PTPN12: variants seen among roughly 807,000 people sequenced by gnomAD.
PTPN12 encodes tyrosine-protein phosphatase non-receptor type 12.
Under a neutral mutation model 97.6 loss-of-function variants are expected in PTPN12, and 29 were observed. The observed-to-expected ratio is 0.30, with a 90% CI of 0.22 to 0.41. The LOEUF (loss-of-function observed/expected upper bound fraction) is 0.41, where lower values mean the gene tolerates loss of function less well. PTPN12 is among the 10% of genes least tolerant of loss of function. The pLI is 1.00. For synonymous variants in PTPN12, 327 were observed against 300.4 expected (o/e 1.09, Z -0.91); for missense variants, 819 against 926.0 (o/e 0.88, Z 1.50).
At chr7:77,572,553 C>T (rs1168659057) in intron 2 of PTPN12, among the ~76,000 whole-genome samples, 1 of 151,498 alleles carries the variant, frequency 6.6e-6, no homozygotes, top group African/African-American at 2.4e-5. Flanking sequence ...TGTTGTTCTA[C>T]ATTATTATCA....
intron 1 of PTPN12, among the ~76,000 whole-genome samples, chr7:77,543,344 CTTTT>C (rs10545350): frequency 2.9e-5 from 4 of 137,426 alleles, no homozygotes; most frequent in Admixed American, 7.2e-5. Context: ...CTTCCACTGC[CTTTT>C]TTTTTTTTTT....
intron 1 of PTPN12, among the ~76,000 whole-genome samples, chr7:77,570,715 A>G (rs1456342451): frequency 6.6e-6 from 1 of 152,220 alleles, no homozygotes; most frequent in Non-Finnish European, 1.5e-5. Context: ...GAGAGAAGAA[A>G]ATTCTTTTAG....
intron 8 of PTPN12, among the ~76,000 whole-genome samples, chr7:77,605,409 GTTTTTTTTTTT>G (rs751962814): frequency 1.1e-3 from 106 of 95,544 alleles, no homozygotes; most frequent in African/African-American, 3.9e-3. Context: ...TTTGTCATGA[GTTTTTTTTTTT>G]TTTTTTTTTT....
At chr7:77,605,409 G>GTTTTTTTTTTTTTTTTTTTTT (rs751962814) in intron 8 of PTPN12, among the ~76,000 whole-genome samples, 3 of 95,560 alleles carry the variant, frequency 3.1e-5, no homozygotes, top group African/African-American at 8.3e-5. Flanking sequence ...TTTGTCATGA[G>GTTTTTTTTTTTTTTTTTTTTT]TTTTTTTTTT....
chr7:77,622,632 G>A (rs940993157), intron 12 of PTPN12, among the ~76,000 whole-genome samples: 6 of 150,930 alleles, frequency 4.0e-5, no homozygotes, highest in East Asian at 2.0e-4. Flanking sequence ...TTAGCTGGGC[G>A]TGGTGGTGTG....
Position 77,632,335 on chromosome 7 carries a change from G to A in PTPN12, c.1997-13G>A. 1 of 1,550,514 alleles carries A rather than the reference G, an allele frequency of 6.4e-7. No individual in the cohort carries two copies. The highest frequency in any genetic ancestry group is 1.1e-5 in the South Asian group (1 of 88,924). On this transcript the variant is annotated splice_polypyrimidine_tract_variant and intron_variant, in intron 13 of 17. Coordinates refer to ENST00000248594, the MANE Select transcript of PTPN12 (RefSeq NM_002835.4). ...CATGTTAATTTGTCTAAATTTTTAT[G>A]TGTTTAATTTAGATGTTGATGTTAG... is the stretch of plus-strand genomic sequence containing the variant.
Position 77,627,674 on chromosome 7 carries a change from A to G in PTPN12, c.1995A>G (p.Lys665=), listed in dbSNP as rs1489161553. 2.6e-6 allele frequency: 4 copies of G among 1,560,512 alleles called. No individual in the cohort carries two copies. Reference sequence around the variant, plus strand: ...GAACAACACATTCAGGTGCTGAAAAAGGTAATAATATAGTGTCAAATACTT... The same window carrying G: ...GAACAACACATTCAGGTGCTGAAAAGGGTAATAATATAGTGTCAAATACTT... The part of the protein sequence containing the change: ...IAGTTHSGAE[K]DVDVSEDSPP... Residue 665 remains lysine, a splice_region_variant and synonymous_variant, in exon 13 of 18, where the codon AAA becomes AAG. Transcript: ENST00000248594.
chr7:77,549,655 A>G (rs1185562995), intron 1 of PTPN12, among the ~76,000 whole-genome samples: 3 of 151,102 alleles, frequency 2.0e-5, no homozygotes, highest in African/African-American at 7.3e-5. Flanking sequence ...ATCATAGCTC[A>G]CTGCAGCCCT....
chr7:77,635,687 C>G (rs1789563500), intron 14 of PTPN12, 95 bp from the exon 15 acceptor site: 5 of 707,264 alleles, frequency 7.1e-6, no homozygotes, highest in Middle Eastern at 4.4e-4. Flanking sequence ...GCGATAGTTT[C>G]TAAAATCTTT....
intron 11 of PTPN12, among the ~76,000 whole-genome samples, chr7:77,612,253 A>G (rs1788594627): frequency 2.0e-5 from 3 of 152,120 alleles, no homozygotes; most frequent in Admixed American, 2.0e-4. Context: ...CATTTCTTTT[A>G]TTAGCCAAGT....
intron 6 of PTPN12, among the ~76,000 whole-genome samples, chr7:77,594,122 A>G (rs1000444326): frequency 7.9e-5 from 12 of 152,200 alleles, no homozygotes; most frequent in East Asian, 1.9e-4. Flanking sequence ...TATTTAGTCA[A>G]TATTCTTAAG....
At chr7:77,627,756 TTA>T (rs1789253286) in intron 13 of PTPN12, 81 bp downstream of exon 13, 1 of 1,337,514 alleles carries the variant, frequency 7.5e-7, no homozygotes, top group Non-Finnish European at 9.9e-7. Flanking sequence ...TATTGATTTA[TTA>T]TGTTTTATTC....
At chr7:77,564,755 T>TTTTTTTA (rs1808176964) in intron 1 of PTPN12, among the ~76,000 whole-genome samples, 1 of 87,518 alleles carries the variant, frequency 1.1e-5, no homozygotes, top group African/African-American at 5.1e-5. Context: ...TGTTTTTTTT[T>TTTTTTTA]TTTTTTTTTT....
chr7:77,628,205 C>T (rs1263762901), intron 13 of PTPN12, among the ~76,000 whole-genome samples: 1 of 152,160 alleles, frequency 6.6e-6, no homozygotes, highest in Admixed American at 6.5e-5. Flanking sequence ...AACCCAGGAA[C>T]AATACTGCAA....
At chr7:77,608,411 A>G (rs1788448289) in intron 9 of PTPN12, among the ~76,000 whole-genome samples, 1 of 152,226 alleles carries the variant, frequency 6.6e-6, no homozygotes, top group Non-Finnish European at 1.5e-5. Context: ...TTTCCAAGAA[A>G]TAGTGTTTGA....
rs1787585834 is a variant in PTPN12 at position 77,583,423 on chromosome 7, A to AATATACTAT, written c.286-132_286-131insATATACTAT. On this transcript the variant is annotated intron_variant, in intron 3 of 17. Transcript: ENST00000248594. ...TTGCCATGCTTTAATATACTATGAA[A>AATATACTAT]GACACATTATTTGGAAATGGTTTAA... is the stretch of plus-strand genomic sequence containing the variant. 5 of 623,324 alleles carry AATATACTAT rather than the reference A, an allele frequency of 8.0e-6. No homozygotes were observed. In the East Asian group the frequency reaches 1.4e-4, roughly 18 times the overall value. The allele number at this position is 623,324 out of a possible 1,614,324, so 38.6% of individuals were successfully genotyped here.
chr7:77,583,393 A>G (rs944290965), intron 3 of PTPN12, among the ~76,000 whole-genome samples, 162 bp from the exon 4 acceptor site: 2 of 152,200 alleles, frequency 1.3e-5, no homozygotes, highest in Non-Finnish European at 2.9e-5. Context: ...TGAATTGAAT[A>G]TATTTTGCCA....
intron 8 of PTPN12, among the ~76,000 whole-genome samples, chr7:77,605,782 G>GT (rs1294710207): frequency 6.6e-6 from 1 of 151,728 alleles, no homozygotes; most frequent in South Asian, 2.1e-4. Flanking sequence ...GCTCCCATTA[G>GT]TTTTTTGGGA....
At chr7:77,553,895 T>C (rs1807585277) in intron 1 of PTPN12, among the ~76,000 whole-genome samples, 1 of 142,512 alleles carries the variant, frequency 7.0e-6, no homozygotes, top group Non-Finnish European at 1.6e-5. Flanking sequence ...TTTGCAGTTT[T>C]AATTCAAAAT....
Sources: gnomAD v4.1 joint callset for allele counts (sites outside exome capture counted in the v4.1 genomes callset) on GRCh38, gnomAD v4.1.1 for gene constraint, MANE v1.5 for transcripts, NCBI Gene and HGNC (gene_info 2026-07-23, HGNC 2026-07-21) for gene names.